Variants in MTCL2 observed in about 807,000 individuals in gnomAD.
The protein encoded by MTCL2 is microtubule cross-linking factor 2.
chr20:36,845,476 T>G, the MTCL2 span, among the ~76,000 whole-genome samples: 1 of 152,268 alleles, frequency 6.6e-6, no homozygotes, highest in African/African-American at 2.4e-5. Context: ...CCTAGGCCTC[T>G]CAGGGGGCTA....
the MTCL2 span, among the ~76,000 whole-genome samples, chr20:36,824,141 T>C: frequency 1.3e-5 from 2 of 152,092 alleles, no homozygotes; most frequent in Admixed American, 6.5e-5. Flanking sequence ...TTGAATCCCA[T>C]CTTTGTCTTT....
At chr20:36,830,227 G>A in the MTCL2 span, among the ~76,000 whole-genome samples, 2 of 151,840 alleles carry the variant, frequency 1.3e-5, no homozygotes, top group African/African-American at 4.8e-5. Context: ...CATCTTAAAG[G>A]GAGGAGACTG....
the MTCL2 span, among the ~76,000 whole-genome samples, chr20:36,804,242 A>G: frequency 6.6e-6 from 1 of 152,118 alleles, no homozygotes; most frequent in African/African-American, 2.4e-5. Flanking sequence ...TCTGAGTGGG[A>G]AGAAGCCCAC....
chr20:36,823,054 C>G, the MTCL2 span, among the ~76,000 whole-genome samples: 16 of 152,286 alleles, frequency 1.1e-4, no homozygotes, highest in African/African-American at 3.8e-4. Context: ...CCACTGTGCC[C>G]GGCCTACTGT....
the MTCL2 span, chr20:36,859,645 C>A: frequency 8.1e-7 from 1 of 1,231,752 alleles, no homozygotes. Flanking sequence ...CTCACTTGGA[C>A]CCCAGAGCAG....
chr20:36,786,292 AC>A, the MTCL2 span: 1 of 1,283,888 alleles, frequency 7.8e-7, no homozygotes, highest in East Asian at 3.1e-5. Flanking sequence ...GAAGCTCACC[AC>A]CCAGGGGCCA....
At chr20:36,793,366 C>A in the MTCL2 span, 1 of 1,551,784 alleles carries the variant, frequency 6.4e-7, no homozygotes, top group Non-Finnish European at 8.7e-7. This position sits in a 1 kb window ranked among gnomAD's most constrained non-coding sequence, Gnocchi z 6.8. Flanking sequence ...CCTTCTTGTT[C>A]AGGATCCTGG....
chr20:36,861,956 C>T, the MTCL2 span, among the ~76,000 whole-genome samples: 1 of 152,232 alleles, frequency 6.6e-6, no homozygotes, highest in African/African-American at 2.4e-5. Context: ...AAGGCACTGG[C>T]CACGAGGGGC....
chr20:36,787,156 C>T, the MTCL2 span, among the ~76,000 whole-genome samples: 3 of 151,840 alleles, frequency 2.0e-5, no homozygotes, highest in African/African-American at 7.3e-5. Flanking sequence ...CCTGGCTGAT[C>T]GCCTTCTTTT....
At chr20:36,834,162 CAAAAAA>C in the MTCL2 span, among the ~76,000 whole-genome samples, 1 of 100,672 alleles carries the variant, frequency 9.9e-6, no homozygotes, top group African/African-American at 4.1e-5. Flanking sequence ...GACTTCATCT[CAAAAAA>C]AAAAAAAAAA....
chr20:36,793,501 A>G, the MTCL2 span: 2 of 1,551,700 alleles, frequency 1.3e-6, no homozygotes, highest in Non-Finnish European at 1.7e-6. The surrounding 1 kb of genome is among the most constrained non-coding windows in gnomAD (Gnocchi z 6.8). Context: ...ATTCCTGCAC[A>G]ATGCCGTACT....
chr20:36,801,714 C>T, the MTCL2 span, among the ~76,000 whole-genome samples: 2 of 152,194 alleles, frequency 1.3e-5, no homozygotes, highest in East Asian at 3.9e-4. Flanking sequence ...GCCTGTAATC[C>T]CAGCACTTTG....
the MTCL2 span, among the ~76,000 whole-genome samples, chr20:36,827,109 C>T: frequency 6.6e-6 from 1 of 151,420 alleles, no homozygotes. Context: ...AATGCAGTGG[C>T]GCAATCTCGG....
chr20:36,837,277 T>C, the MTCL2 span, among the ~76,000 whole-genome samples: 1 of 152,206 alleles, frequency 6.6e-6, no homozygotes. Flanking sequence ...CCTGGAGTTC[T>C]CACCACCAGA....
chr20:36,801,326 G>C, the MTCL2 span, among the ~76,000 whole-genome samples: 2 of 152,020 alleles, frequency 1.3e-5, no homozygotes, highest in Non-Finnish European at 2.9e-5. Context: ...AATAAGGAAG[G>C]CCTCCATACT....
At chr20:36,858,950 C>G in the MTCL2 span, among the ~76,000 whole-genome samples, 1 of 152,162 alleles carries the variant, frequency 6.6e-6, no homozygotes. Context: ...ACGACCACGC[C>G]TGGGTAATTT....
At chr20:36,797,412 T>TTA in the MTCL2 span, 1 of 1,360,856 alleles carries the variant, frequency 7.3e-7, no homozygotes, top group East Asian at 2.5e-5. Context: ...TGAGACAGGG[T>TTA]TAGCAACTTC....
At chr20:36,859,532 C>T in the MTCL2 span, 1 of 1,152,752 alleles carries the variant, frequency 8.7e-7, no homozygotes, top group South Asian at 4.5e-5. Flanking sequence ...CAAGGTCATC[C>T]CGCCTCTCTC....
At chr20:36,862,809 G>A in the MTCL2 span, 10 of 1,391,420 alleles carry the variant, frequency 7.2e-6, no homozygotes, top group Non-Finnish European at 9.3e-6. Context: ...GGCCACCGAC[G>A]GCTCGTCCGG....
Sources: gnomAD v4.1 joint callset for allele counts (sites outside exome capture counted in the v4.1 genomes callset) on GRCh38, gnomAD v4.1.1 for gene constraint, Gnocchi (gnomAD v3.1) non-coding constraint, MANE v1.5 for transcripts, NCBI Gene and HGNC (gene_info 2026-07-23, HGNC 2026-07-21) for gene names.